The following NEDD9 variants were observed in gnomAD, a reference collection of about 807,000 sequenced individuals.
NEDD9 encodes neural precursor cell expressed, developmentally down-regulated 9.
A neutral mutation model predicts 76.6 loss-of-function variants in NEDD9; 26 were observed. The ratio of observed to expected loss-of-function variants is 0.34; its 90% CI spans 0.25 to 0.47. The LOEUF is 0.47. NEDD9 is among the 20% of genes least tolerant of loss of function. The probability of loss-of-function intolerance (pLI) is 1.00; values close to 1 mark genes in which losing one functional copy is unlikely to be tolerated. For missense variants in NEDD9, 937 were observed against 1,058.5 expected (o/e 0.89, Z 1.59); for synonymous variants, 392 against 414.2 (o/e 0.95, Z 0.65).
At chr6:11,232,483 C>T (rs1044193329) in intron 1 of NEDD9, 21 bp downstream of exon 1, 8 of 1,614,082 alleles carry the variant, frequency 5.0e-6, no homozygotes, top group Non-Finnish European at 6.8e-6. Flanking sequence ...GCAAGGTAAC[C>T]TGTAAAAGGC....
chr6:11,221,740 C>G (rs1010316884), intron 1 of NEDD9, among the ~76,000 whole-genome samples: 17 of 152,164 alleles, frequency 1.1e-4, no homozygotes, highest in Non-Finnish European at 2.2e-4. Context: ...GATTTCAGTA[C>G]AGTATCTTGG....
intron 2 of NEDD9, among the ~76,000 whole-genome samples, chr6:11,210,843 A>C (rs990932871): frequency 6.6e-6 from 1 of 151,632 alleles, no homozygotes; most frequent in African/African-American, 2.4e-5. Flanking sequence ...AGGCAACCAC[A>C]CTCCCATGGA....
At chr6:11,328,742 C>T (rs1255348919) in intron 2 of NEDD9, 1 of 152,232 alleles carries the variant, frequency 6.6e-6, no homozygotes, top group Non-Finnish European at 1.5e-5. Context: ...AGTTTGATTT[C>T]ATTCATTTCA....
intron 3 of NEDD9, among the ~76,000 whole-genome samples, chr6:11,271,069 T>C (rs1760296318): frequency 6.6e-6 from 1 of 152,240 alleles, no homozygotes; most frequent in Non-Finnish European, 1.5e-5. Context: ...GGTCTCACTC[T>C]ATCTTCCAGG....
intron 1 of NEDD9, chr6:11,214,050 T>A (rs1236018842): frequency 2.4e-6 from 1 of 414,538 alleles, no homozygotes; most frequent in Admixed American, 3.3e-5. Flanking sequence ...ATACAAAACA[T>A]TTTTCTTCCT....
intron 3 of NEDD9, 183 bp from the exon 4 acceptor site, chr6:11,192,629 T>TA: frequency 1.9e-6 from 1 of 514,384 alleles, no homozygotes; most frequent in Admixed American, 4.4e-5. Flanking sequence ...GTTTTTAACT[T>TA]ACATTTAATA....
intron 2 of NEDD9, among the ~76,000 whole-genome samples, chr6:11,319,466 ACACT>A (rs1172715675): frequency 1.8e-4 from 28 of 151,506 alleles, no homozygotes; most frequent in African/African-American, 3.4e-4. Flanking sequence ...ACACTGGTAC[ACACT>A]CACACTAACA....
intron 2 of NEDD9, among the ~76,000 whole-genome samples, chr6:11,321,974 C>T (rs1019423551): frequency 6.6e-5 from 10 of 152,110 alleles, no homozygotes; most frequent in Admixed American, 2.0e-4. Flanking sequence ...GGCACATATA[C>T]GCCATGGAAT....
rs189552734 is a variant in NEDD9, at chr6:11,225,495, G to A, written c.12+7009C>T. Among the ~76,000 whole-genome samples the A allele has an allele frequency of 1.1e-3, 174 of 152,146 alleles. 1 individual carries two copies. The highest frequency in any genetic ancestry group is 3.3e-3 in the Admixed American group (51 of 15,298). Reference sequence around the variant, plus strand: ...AAGAGACTAGCTGTTTTGTTTGTTTGTTTATTTGTTTGTTTGTTTTGTTTT... The same window carrying A: ...AAGAGACTAGCTGTTTTGTTTGTTTATTTATTTGTTTGTTTGTTTTGTTTT... On this transcript the variant is annotated intron_variant, in intron 1 of 6. Transcript: ENST00000379446.
chr6:11,215,013 G>C (rs1758909931), intron 1 of NEDD9, among the ~76,000 whole-genome samples: 1 of 152,188 alleles, frequency 6.6e-6, no homozygotes, highest in African/African-American at 2.4e-5. Context: ...TCAGCCTCGT[G>C]CTTTTCATTT....
intron 1 of NEDD9, among the ~76,000 whole-genome samples, chr6:11,341,202 G>C (rs1762266758): frequency 6.6e-6 from 1 of 152,212 alleles, no homozygotes; most frequent in Non-Finnish European, 1.5e-5. Flanking sequence ...GGTATGTGAA[G>C]CAAGATAGTT....
chr6:11,273,780 A>C (rs1026023501), intron 3 of NEDD9, among the ~76,000 whole-genome samples: 6 of 152,088 alleles, frequency 3.9e-5, no homozygotes, highest in African/African-American at 1.4e-4. Context: ...TCCCTGGAAA[A>C]TTCCTGTGTT....
At chr6:11,375,724 C>T (rs531540047) in intron 1 of NEDD9, among the ~76,000 whole-genome samples, 10 of 152,192 alleles carry the variant, frequency 6.6e-5, no homozygotes, top group South Asian at 2.1e-4. Context: ...CTCCTCCTTC[C>T]GCCATGATTG....
chr6:11,322,245 A>G (rs1175615161), intron 2 of NEDD9, among the ~76,000 whole-genome samples: 1 of 152,182 alleles, frequency 6.6e-6, no homozygotes, highest in African/African-American at 2.4e-5. Context: ...TAAAACCTAG[A>G]TGACGGGTTG....
In NEDD9 at chr6:11,319,356, CACATGCACACTA is replaced by C. The variant is rs1333907839; in HGVS notation, c.-152-13213_-152-13202del. Among the ~76,000 whole-genome samples, 4 of 151,874 alleles carry C rather than the reference CACATGCACACTA, an allele frequency of 2.6e-5. No homozygotes were observed. In the South Asian group the frequency reaches 6.2e-4, roughly 24 times the overall value. ...ACACCCACACACTCACATGCACACT[CACATGCACACTA>C]ACATACACACAAGTCTCACACTCAC... On this transcript the variant is annotated intron_variant, in intron 2 of 3. Coordinates refer to the NEDD9 transcript ENST00000397378.
chr6:11,300,933 T>A (rs540425197), intron 3 of NEDD9, among the ~76,000 whole-genome samples: 3 of 152,200 alleles, frequency 2.0e-5, no homozygotes, highest in Non-Finnish European at 4.4e-5. Flanking sequence ...TAAAGACCAT[T>A]GATGCTATGA....
At position 11,213,517 on chromosome 6, in the gene NEDD9, C is replaced by A. The variant is rs770931575; in HGVS notation, c.223G>T (p.Glu75Ter). The A allele has an allele frequency of 6.2e-7, 1 of 1,614,092 alleles. No homozygotes were observed. The highest frequency in any genetic ancestry group is 8.5e-7 in the Non-Finnish European group (1 of 1,180,028). Residue 75 changes from glutamate to a stop codon, truncating the protein, a stop_gained, in exon 2 of 7, where the codon GAG (glutamate) becomes TAG (stop). Coordinates refer to ENST00000379446, the MANE Select transcript of NEDD9 (RefSeq NM_006403.4). LOFTEE classifies it high-confidence loss of function. This position sits in a 1 kb window ranked among gnomAD's most constrained non-coding sequence, Gnocchi z 5.4. ...TGCATCAGTCCAGAGGCAGGCTGCTCGTGACTGGAGGCAGTCTCCTGCATG... is the reference window on the plus strand; with the variant it reads ...TGCATCAGTCCAGAGGCAGGCTGCTAGTGACTGGAGGCAGTCTCCTGCATG... The part of the protein sequence containing the change: ...GPMQETASSH[E>*]QPASGLMQQT...
intron 2 of NEDD9, among the ~76,000 whole-genome samples, chr6:11,331,733 C>T (rs1488146801): frequency 2.0e-5 from 3 of 152,086 alleles, no homozygotes; most frequent in Non-Finnish European, 4.4e-5. Flanking sequence ...TTTCATATGG[C>T]CACACTTGTT....
intron 2 of NEDD9, among the ~76,000 whole-genome samples, chr6:11,308,619 T>C (rs914366480): frequency 6.6e-6 from 1 of 152,100 alleles, no homozygotes; most frequent in Non-Finnish European, 1.5e-5. Context: ...TCCGCCCACC[T>C]CAGCCTCCCA....
Sources: allele counts gnomAD v4.1 joint callset (sites outside exome capture counted in the v4.1 genomes callset), GRCh38; gene constraint gnomAD v4.1.1; non-coding constraint Gnocchi (gnomAD v3.1); transcripts MANE v1.5; gene names NCBI Gene and HGNC (gene_info 2026-07-23, HGNC 2026-07-21).